Variants in MIAT observed in about 807,000 individuals in gnomAD.
The protein encoded by MIAT is MI related novel mRNA.
downstream of MIAT, chr22:26,673,048 G>A (rs1418566303): frequency 7.5e-6 from 3 of 398,550 alleles, no homozygotes; most frequent in Admixed American, 4.4e-5. Context: ...ATTCCCGGAA[G>A]CTAGAGGGCG....
At chr22:26,672,472 G>A (rs532761519), downstream of MIAT, 19 of 399,472 alleles carry the variant, frequency 4.8e-5, no homozygotes, top group African/African-American at 2.5e-4. Flanking sequence ...TCTCCTATGT[G>A]CAGAAGTCTG....
exon 1 of MIAT, chr22:26,646,905 G>A (rs1382762651): frequency 2.5e-6 from 1 of 398,498 alleles, no homozygotes; most frequent in East Asian, 3.6e-5. Context: ...AAGGTGACAG[G>A]AACAGATGTT....
chr22:26,656,485 C>T (rs56371714), intron 2 of MIAT, among the ~76,000 whole-genome samples: 7,009 of 150,694 alleles, frequency 0.047, 296 homozygotes, highest in Admixed American at 0.14. Flanking sequence ...CCACCACACC[C>T]GGCTAATTTT....
At chr22:26,669,614 G>T (rs1930971805) in exon 6 of MIAT, 1 of 398,526 alleles carries the variant, frequency 2.5e-6, no homozygotes, top group African/African-American at 2.1e-5. Context: ...ATATGCATTT[G>T]GGGGAGGGGA....
exon 4 of MIAT, chr22:26,665,766 A>G (rs1930823691): frequency 1.5e-5 from 6 of 398,550 alleles, no homozygotes; most frequent in Non-Finnish European, 4.4e-6. Flanking sequence ...GGAAGAAAGA[A>G]AGAGCCTGTC....
chr22:26,669,566 T>C (rs1930970092), exon 6 of MIAT: 2 of 398,646 alleles, frequency 5.0e-6, no homozygotes, highest in East Asian at 7.1e-5. Context: ...AAAGGTCCCA[T>C]CTCCAAAAAC....
chr22:26,659,055 C>A (rs1376035002), intron 2 of MIAT, among the ~76,000 whole-genome samples: 1 of 152,130 alleles, frequency 6.6e-6, no homozygotes, highest in Non-Finnish European at 1.5e-5. Flanking sequence ...GGCGTTGCTT[C>A]CAGTAAGCAG....
chr22:26,669,339 G>A (rs1930962786), exon 6 of MIAT: 2 of 398,676 alleles, frequency 5.0e-6, no homozygotes, highest in African/African-American at 2.1e-5. Flanking sequence ...CTGGAGGCTG[G>A]AAAGTCCAGA....
At chr22:26,671,270 A>C (rs1931035813), downstream of MIAT, 5 of 398,470 alleles carry the variant, frequency 1.3e-5, no homozygotes. Flanking sequence ...GGCAGGGTCC[A>C]TGTGGTTAGG....
chr22:26,654,651 T>A (rs1397791099), intron 2 of MIAT, among the ~76,000 whole-genome samples: 1 of 152,182 alleles, frequency 6.6e-6, no homozygotes, highest in Non-Finnish European at 1.5e-5. Context: ...ATGATCCTTG[T>A]CACTGCACTC....
At chr22:26,662,111 C>T (rs181936444) in intron 2 of MIAT, among the ~76,000 whole-genome samples, 2 of 151,750 alleles carry the variant, frequency 1.3e-5, no homozygotes, top group Admixed American at 1.3e-4. Context: ...TACACATAAC[C>T]ACGCCCAGCT....
downstream of MIAT, chr22:26,672,258 G>T (rs1232035694): frequency 2.5e-6 from 1 of 399,018 alleles, no homozygotes; most frequent in African/African-American, 2.1e-5. Flanking sequence ...CTCCCCCCGG[G>T]GGCTGGTCCC....
exon 1 of MIAT, chr22:26,646,947 C>A: frequency 2.5e-6 from 1 of 398,608 alleles, no homozygotes; most frequent in South Asian, 1.3e-4. Flanking sequence ...CATCATCAAC[C>A]CAGACAAGCC....
intron 2 of MIAT, among the ~76,000 whole-genome samples, chr22:26,659,182 G>C (rs1602358959): frequency 6.6e-6 from 1 of 152,206 alleles, no homozygotes; most frequent in East Asian, 1.9e-4. Flanking sequence ...GCTTGGTTGA[G>C]GGAAGAGTGC....
At chr22:26,672,367 C>A, downstream of MIAT, 1 of 399,218 alleles carries the variant, frequency 2.5e-6, no homozygotes, top group Non-Finnish European at 4.4e-6. Context: ...GTCCACTGGG[C>A]CAGGTCTAAG....
At chr22:26,671,218 C>G, downstream of MIAT, 1 of 398,610 alleles carries the variant, frequency 2.5e-6, no homozygotes, top group Non-Finnish European at 4.4e-6. Flanking sequence ...AGGGGGTGCT[C>G]TGAGACCCAC....
Position 26,675,139 on chromosome 22 carries a change from G to A in MIAT, n.8807G>A, listed in dbSNP as rs1931212990. On this transcript the variant is annotated non_coding_transcript_exon_variant, in exon 5 of 5. Coordinates refer to the MIAT transcript ENST00000613780. ...TGCAGGGGGGTGGAATGGGGACAGA[G>A]AGACACCTAATCCACCCTGTGGTGG... 1.0e-5 allele frequency: 4 copies of A among 398,756 alleles called. 1 individual carries two copies. Among genetic ancestry groups the A allele is most frequent in the Non-Finnish European group, 1.8e-5 (4 of 226,154 alleles). 24.7% of individuals were successfully genotyped at this position (398,756 alleles called of 1,614,324 possible). A position where few individuals can be genotyped will look rare whatever the true frequency, so the allele number is the denominator to read the frequency against.
exon 4 of MIAT, chr22:26,666,791 G>A (rs56005914): frequency 1.0e-5 from 4 of 398,902 alleles, no homozygotes; most frequent in Admixed American, 4.4e-5. Context: ...TTCTGGCAAG[G>A]CCTGGGCCTG....
downstream of MIAT, chr22:26,673,666 GGTTTGAACTTGGCTAACACA>G: frequency 4.7e-6 from 1 of 213,888 alleles, no homozygotes; most frequent in Non-Finnish European, 7.9e-6. Context: ...GGCTAACACA[GGTTTGAACTTGGCTAACACA>G]GGTTTGAACT....
Sources: allele counts gnomAD v4.1 joint callset (sites outside exome capture counted in the v4.1 genomes callset), GRCh38; gene constraint gnomAD v4.1.1; transcripts MANE v1.5; gene names NCBI Gene and HGNC (gene_info 2026-07-23, HGNC 2026-07-21).